Variants in TPX2 observed in about 807,000 individuals in gnomAD.
TPX2 encodes targeting protein for Xklp2.
In TPX2, 21 loss-of-function variants were observed where a neutral mutation model predicts 93.6. That is an observed-to-expected ratio of 0.22 (90% CI 0.16 to 0.32). The LOEUF is 0.32. TPX2 is among the 10% of genes least tolerant of loss of function. The pLI is 1.00. For missense variants in TPX2, 776 were observed against 871.1 expected, an observed-to-expected ratio of 0.89 and a Z score of 1.37; for synonymous variants, 281 against 298.3, an observed-to-expected ratio of 0.94 and a Z score of 0.60.
intron 3 of TPX2, among the ~76,000 whole-genome samples, chr20:31,759,336 G>GT (rs1448501174): frequency 6.8e-6 from 1 of 148,146 alleles, no homozygotes; most frequent in African/African-American, 2.5e-5. Context: ...AGGAAACTCT[G>GT]TAAGACTATA....
intron 2 of TPX2, among the ~76,000 whole-genome samples, chr20:31,755,712 G>A (rs1771036032): frequency 6.6e-6 from 1 of 151,396 alleles, no homozygotes; most frequent in Non-Finnish European, 1.5e-5. Flanking sequence ...GGTGAGCTGG[G>A]ATCATGCCAC....
At chr20:31,782,129 G>A (rs149227993) in intron 10 of TPX2, 120 bp from the exon 11 acceptor site, 1 of 1,330,108 alleles carries the variant, frequency 7.5e-7, no homozygotes, top group Non-Finnish European at 1.0e-6. Context: ...TGAGCTGACT[G>A]TTGTGGGCCC....
At chr20:31,773,855 A>C (rs2061979503) in intron 7 of TPX2, among the ~76,000 whole-genome samples, 1 of 151,896 alleles carries the variant, frequency 6.6e-6, no homozygotes, top group South Asian at 2.1e-4. Context: ...CACTTTTTGT[A>C]GTGAGAACAT....
chr20:31,772,472 T>C (rs2061970346), intron 7 of TPX2, among the ~76,000 whole-genome samples: 1 of 152,212 alleles, frequency 6.6e-6, no homozygotes, highest in African/African-American at 2.4e-5. Context: ...GGTGCTCAGA[T>C]CTTGAACAGT....
At chr20:31,748,512 C>CT (rs2061798060) in intron 2 of TPX2, among the ~76,000 whole-genome samples, 1 of 152,152 alleles carries the variant, frequency 6.6e-6, no homozygotes, top group Non-Finnish European at 1.5e-5. Context: ...TTGTAATTTG[C>CT]TAAAGTTTTC....
intron 14 of TPX2, 122 bp from the exon 15 acceptor site, chr20:31,794,280 A>T: frequency 2.2e-6 from 3 of 1,351,014 alleles, no homozygotes; most frequent in Non-Finnish European, 3.0e-6. Context: ...CCCATTATTC[A>T]TTCTTTCATG....
At chr20:31,777,719 A>C (rs982179898) in intron 9 of TPX2, 81 bp downstream of exon 9, 11 of 1,404,850 alleles carry the variant, frequency 7.8e-6, no homozygotes, top group Non-Finnish European at 1.1e-5. Flanking sequence ...GTCACTGTTT[A>C]TAATAGTATA....
At chr20:31,784,003 A>C in intron 12 of TPX2, 82 bp downstream of exon 12, 1 of 1,451,480 alleles carries the variant, frequency 6.9e-7, no homozygotes. Flanking sequence ...GTTTGGGTAG[A>C]TATTATGAGC....
chr20:31,800,891 CAA>C, intron 17 of TPX2, 77 bp from the exon 18 acceptor site: 2 of 1,253,732 alleles, frequency 1.6e-6, no homozygotes, highest in South Asian at 2.5e-5. Context: ...AACATTTTCT[CAA>C]AAAGAAAAAA....
chr20:31,764,034 T>C (rs2061907881), intron 4 of TPX2, among the ~76,000 whole-genome samples: 1 of 151,648 alleles, frequency 6.6e-6, no homozygotes, highest in Non-Finnish European at 1.5e-5. Flanking sequence ...CAAAAAATTA[T>C]ATACATATAT....
chr20:31,798,292 T>C, intron 16 of TPX2, 73 bp from the exon 17 acceptor site: 1 of 1,586,844 alleles, frequency 6.3e-7, no homozygotes, highest in Admixed American at 1.7e-5. Context: ...CTGTGCCACT[T>C]GCTCATTCCA....
rs534900746 is a variant in TPX2 at position 31,779,101 on chromosome 20, G to T, written c.1054+117G>T. The T allele has an allele frequency of 3.3e-5, 38 of 1,145,240 alleles. No homozygotes were observed. In the African/African-American group the frequency reaches 5.7e-4, roughly 17 times the overall value. The allele number at this position is 1,145,240 out of a possible 1,614,324, so 70.9% of individuals were successfully genotyped here. On this transcript the variant is annotated intron_variant, in intron 10 of 17. Coordinates refer to ENST00000300403, the MANE Select transcript of TPX2 (RefSeq NM_012112.5). ...CCTAGTTTTTCAATTAAAGTATGGC[G>T]TGTGACTATGCAGACAACAAATGTA...
chr20:31,776,132 C>T (rs2061997508), intron 8 of TPX2, 144 bp downstream of exon 8: 1 of 852,572 alleles, frequency 1.2e-6, no homozygotes, highest in Non-Finnish European at 1.5e-6. Flanking sequence ...GGACTGCGGA[C>T]TGCAGTGGCG....
chr20:31,775,798 G>A (rs2061992581), intron 7 of TPX2, 69 bp from the exon 8 acceptor site: 8 of 1,377,246 alleles, frequency 5.8e-6, no homozygotes, highest in Admixed American at 5.7e-5. Context: ...TATAATGCCT[G>A]TAGATTCTTT....
In TPX2 at chr20:31,776,241, C is replaced by T. The variant is rs549238999; in HGVS notation, c.730+253C>T. ...GACTACAGGCGCCCGCCACCGCGCCCGGCTAATTTTTTGTATTTTTAGTAG... is the reference window on the plus strand; with the variant it reads ...GACTACAGGCGCCCGCCACCGCGCCTGGCTAATTTTTTGTATTTTTAGTAG... On this transcript the variant is annotated intron_variant, in intron 8 of 17. Transcript: ENST00000300403. 3.4e-3 allele frequency among the ~76,000 whole-genome samples: 519 copies of T among 150,866 alleles called. 2 individuals are homozygous for T. Among genetic ancestry groups the T allele is most frequent in the Non-Finnish European group, 5.3e-3 (355 of 67,580 alleles).
intron 2 of TPX2, among the ~76,000 whole-genome samples, chr20:31,751,100 C>A (rs907840437): frequency 6.6e-6 from 1 of 151,970 alleles, no homozygotes; most frequent in Non-Finnish European, 1.5e-5. Context: ...GAGGGAGGAT[C>A]CTTTGGGCCC....
At chr20:31,781,253 CTT>C (rs1007150417) in intron 10 of TPX2, among the ~76,000 whole-genome samples, 20 of 116,744 alleles carry the variant, frequency 1.7e-4, no homozygotes, top group Non-Finnish European at 1.2e-4. Context: ...GGCCTTATAT[CTT>C]TTTTTTTTTT....
At chr20:31,779,475 A>G (rs1472253636) in intron 10 of TPX2, among the ~76,000 whole-genome samples, 2 of 152,374 alleles carry the variant, frequency 1.3e-5, no homozygotes, top group East Asian at 1.9e-4. Flanking sequence ...AAAACTCGAC[A>G]TCAAGTTTCA....
At chr20:31,747,427 T>C (rs1359803331) in intron 2 of TPX2, among the ~76,000 whole-genome samples, 1 of 151,952 alleles carries the variant, frequency 6.6e-6, no homozygotes, top group Admixed American at 6.6e-5. Flanking sequence ...CGAGATTTTA[T>C]ATCTCTATCT....
Sources: allele counts gnomAD v4.1 joint callset (sites outside exome capture counted in the v4.1 genomes callset), GRCh38; gene constraint gnomAD v4.1.1; transcripts MANE v1.5; gene names NCBI Gene and HGNC (gene_info 2026-07-23, HGNC 2026-07-21).